The following FILIP1 variants were observed in gnomAD, a reference collection of about 807,000 sequenced individuals.
The protein encoded by FILIP1 is filamin-A-interacting protein 1.
FILIP1 carries 61 observed loss-of-function variants against 102.1 expected under a neutral mutation model. That is an observed-to-expected ratio of 0.60 (90% CI 0.49 to 0.74). FILIP1 has a LOEUF of 0.74. Among genes scored for constraint, FILIP1 ranks in the 30% least tolerant of loss-of-function variants. FILIP1 has a pLI of 0.00. For synonymous variants in FILIP1, 491 were observed against 526.9 expected, an observed-to-expected ratio of 0.93 and a Z score of 0.93; for missense variants, 1,314 against 1,441.2, an observed-to-expected ratio of 0.91 and a Z score of 1.43.
exon 7 of FILIP1, chr6:75,292,269 C>T (rs896800472): frequency 6.6e-6 from 1 of 152,186 alleles, no homozygotes; most frequent in Non-Finnish European, 1.5e-5. Flanking sequence ...AAAGCTAACA[C>T]TTGATAATTT....
chr6:75,482,254 C>A (rs1779668099), intron 1 of FILIP1, among the ~76,000 whole-genome samples: 1 of 152,130 alleles, frequency 6.6e-6, no homozygotes, highest in Non-Finnish European at 1.5e-5. Context: ...TGAAATAAAG[C>A]AAAATCAAGC....
exon 7 of FILIP1, chr6:75,295,669 T>C: frequency 2.9e-6 from 1 of 343,532 alleles, no homozygotes; most frequent in African/African-American, 2.1e-5. Context: ...ACCTGAAAGC[T>C]TTGCAAAAAG....
At chr6:75,430,695 T>C (rs186078840) in intron 1 of FILIP1, among the ~76,000 whole-genome samples, 3 of 152,278 alleles carry the variant, frequency 2.0e-5, no homozygotes, top group African/African-American at 7.2e-5. Context: ...ATTCCCAAAT[T>C]AGTGGCAGTC....
At chr6:75,475,914 C>A (rs1779461519) in intron 1 of FILIP1, among the ~76,000 whole-genome samples, 1 of 152,126 alleles carries the variant, frequency 6.6e-6, no homozygotes, top group African/African-American at 2.4e-5. Context: ...CATTTACTTT[C>A]TTTCTAGAGC....
chr6:75,322,844 C>T (rs1040395024), intron 4 of FILIP1, among the ~76,000 whole-genome samples: 10 of 152,130 alleles, frequency 6.6e-5, no homozygotes, highest in African/African-American at 2.4e-4. Context: ...CAGGCATGTG[C>T]TACCACACCT....
intron 4 of FILIP1, among the ~76,000 whole-genome samples, chr6:75,325,150 G>C (rs1773795755): frequency 1.3e-5 from 2 of 152,208 alleles, no homozygotes; most frequent in Admixed American, 1.3e-4. Context: ...GCATGGTGGT[G>C]CATGCCTATA....
At position 75,329,072 on chromosome 6, in the gene FILIP1, A is replaced by T. The variant is rs139183240; in HGVS notation, c.630-13870T>A. ...TGTCCTATTCCACAGATACTTGTTA[A>T]TTTATCTTTCTTCTTATGGTCTAAG... is the stretch of plus-strand genomic sequence containing the variant. On this transcript the variant is annotated intron_variant, in intron 4 of 5. Transcript: ENST00000237172. Among the ~76,000 whole-genome samples, 684 of 152,328 alleles carry T rather than the reference A, an allele frequency of 4.5e-3. 2 individuals are homozygous for T. The highest frequency in any genetic ancestry group is 0.014 in the Middle Eastern group (4 of 294).
intron 2 of FILIP1, among the ~76,000 whole-genome samples, chr6:75,403,514 C>CAAA (rs766214016): frequency 6.9e-5 from 2 of 28,828 alleles, no homozygotes; most frequent in Non-Finnish European, 1.3e-4. Flanking sequence ...CTCTGTCCCA[C>CAAA]AAAAAAAAAA....
At chr6:75,356,886 A>G (rs181415978) in intron 3 of FILIP1, among the ~76,000 whole-genome samples, 21 of 152,326 alleles carry the variant, frequency 1.4e-4, no homozygotes, top group Admixed American at 3.3e-4. Flanking sequence ...TGTGATTTTC[A>G]ACATATTTTA....
chr6:75,306,775 CAG>C (rs1772999663), downstream of FILIP1, among the ~76,000 whole-genome samples: 3 of 150,100 alleles, frequency 2.0e-5, no homozygotes, highest in African/African-American at 7.4e-5. Flanking sequence ...TTTTTTGAGA[CAG>C]AGTCTCTCTC....
chr6:75,331,283 T>C (rs1359863116), intron 4 of FILIP1, among the ~76,000 whole-genome samples: 1 of 152,126 alleles, frequency 6.6e-6, no homozygotes, highest in African/African-American at 2.4e-5. Context: ...GCCACAGAAA[T>C]GGCTGGTATT....
chr6:75,488,414 A>G (rs2149786944), intron 1 of FILIP1, among the ~76,000 whole-genome samples: 1 of 151,442 alleles, frequency 6.6e-6, no homozygotes, highest in African/African-American at 2.4e-5. Flanking sequence ...CCCTTCTCTC[A>G]TTAGCTAAAA....
chr6:75,298,164 G>A (rs182019660), intron 6 of FILIP1, among the ~76,000 whole-genome samples: 14 of 152,158 alleles, frequency 9.2e-5, no homozygotes, highest in South Asian at 4.1e-4. Flanking sequence ...ATAAGGGTCC[G>A]TACACAGAAG....
At chr6:75,310,593 A>C (rs1203560217) in intron 5 of FILIP1, among the ~76,000 whole-genome samples, 1 of 152,242 alleles carries the variant, frequency 6.6e-6, no homozygotes, top group African/African-American at 2.4e-5. Context: ...AGGTTTAATC[A>C]GTAGTCAAAA....
At chr6:75,393,870 T>A (rs1462726051) in intron 2 of FILIP1, among the ~76,000 whole-genome samples, 1 of 152,204 alleles carries the variant, frequency 6.6e-6, no homozygotes, top group Non-Finnish European at 1.5e-5. Context: ...AAAAATTTCC[T>A]TTCTACTTTG....
At chr6:75,404,524 A>G (rs1397925475) in intron 2 of FILIP1, among the ~76,000 whole-genome samples, 1 of 152,160 alleles carries the variant, frequency 6.6e-6, no homozygotes, top group Admixed American at 6.5e-5. Flanking sequence ...CTGCAAATGC[A>G]TGGTCTCTCC....
rs147284527 is a variant in FILIP1, at chr6:75,391,256, T to C, written c.276+23441A>G. 1.5e-4 allele frequency among the ~76,000 whole-genome samples: 23 copies of C among 152,256 alleles called. No individual in the cohort carries two copies. The East Asian group carries it at 4.4e-3, about 29-fold the overall frequency. On this transcript the variant is annotated intron_variant, in intron 2 of 5. Coordinates refer to ENST00000237172, the MANE Select transcript of FILIP1 (RefSeq NM_015687.5). ...ATGTCATGCCCATTCTCTCACATGA[T>C]TGTACTCTCTTGGTCAAATTACAGC... is the stretch of plus-strand genomic sequence containing the variant.
intron 2 of FILIP1, among the ~76,000 whole-genome samples, chr6:75,412,218 G>A (rs1203435299): frequency 6.6e-6 from 1 of 152,082 alleles, no homozygotes; most frequent in Non-Finnish European, 1.5e-5. Flanking sequence ...CTCTCTGTTT[G>A]TCTATTATTG....
chr6:75,325,919 G>A (rs1035602460), intron 4 of FILIP1, among the ~76,000 whole-genome samples: 1 of 152,102 alleles, frequency 6.6e-6, no homozygotes, highest in African/African-American at 2.4e-5. Flanking sequence ...ATCTACCCAG[G>A]GGAAAAGAAG....
Sources: gnomAD v4.1 joint callset for allele counts (sites outside exome capture counted in the v4.1 genomes callset) on GRCh38, gnomAD v4.1.1 for gene constraint, MANE v1.5 for transcripts, NCBI Gene and HGNC (gene_info 2026-07-23, HGNC 2026-07-21) for gene names.